Variants in ZFPM1 observed in about 807,000 individuals in gnomAD.
ZFPM1 encodes the protein zinc finger protein, FOG family member 1, also known as zinc finger protein ZFPM1.
Under a neutral mutation model 46.3 loss-of-function variants are expected in ZFPM1, and 28 were observed. That is an observed-to-expected ratio of 0.60 (90% CI 0.45 to 0.83). The LOEUF is 0.83. Among genes scored for constraint, ZFPM1 ranks in the 40% least tolerant of loss-of-function variants. The pLI is 0.00. For missense variants in ZFPM1, 1,878 were observed against 1,432.4 expected (o/e 1.31, Z -5.02); for synonymous variants, 957 against 675.9 (o/e 1.42, Z -6.45).
rs1364636245 is a variant in ZFPM1, at chr16:88,497,890, G to T, written c.268+8737G>T. Among the ~76,000 whole-genome samples the T allele has an allele frequency of 6.6e-6, 1 of 152,212 alleles. No individual in the cohort carries two copies. Among genetic ancestry groups the T allele is most frequent in the African/African-American group, 2.4e-5 (1 of 41,462 alleles). ...GCGGAGCGTCTACGCAAACCTCAAG[G>T]CCTGCTATCGGGTGGAGGCTGAGGC... On this transcript the variant is annotated intron_variant, in intron 3 of 9. Coordinates refer to ENST00000319555, the MANE Select transcript of ZFPM1 (RefSeq NM_153813.3). The surrounding 1 kb of genome is among the most constrained non-coding windows in gnomAD (Gnocchi z 5.4).
intron 6 of ZFPM1, among the ~76,000 whole-genome samples, chr16:88,531,225 G>C (rs1472515911): frequency 1.3e-5 from 2 of 152,198 alleles, no homozygotes; most frequent in Non-Finnish European, 2.9e-5. Context: ...AAGGGGCCAT[G>C]GGCAGATGGG....
At chr16:88,501,646 A>C (rs77639164) in intron 3 of ZFPM1, among the ~76,000 whole-genome samples, 13,930 of 77,978 alleles carry the variant, frequency 0.18, 2,966 homozygotes, top group East Asian at 0.33. Flanking sequence ...TGCGTGGGCC[A>C]TCGCGCAGGT....
intron 3 of ZFPM1, among the ~76,000 whole-genome samples, chr16:88,512,643 A>C (rs144056431): frequency 9.3e-4 from 142 of 151,912 alleles, no homozygotes; most frequent in African/African-American, 3.2e-3. Context: ...ATGGGATTCC[A>C]CATGCTTCCC....
Position 88,497,819 on chromosome 16 carries a change from G to A in ZFPM1, c.268+8666G>A, listed in dbSNP as rs941532419. Reference sequence around the variant, plus strand: ...AATCCTCACCCGAGTGTGTGAGGGCGTCGGGCTGGTTATCTGGGCCGAGCT... The same window carrying A: ...AATCCTCACCCGAGTGTGTGAGGGCATCGGGCTGGTTATCTGGGCCGAGCT... On this transcript the variant is annotated intron_variant, in intron 3 of 9. Transcript: ENST00000319555. This position sits in a 1 kb window ranked among gnomAD's most constrained non-coding sequence, Gnocchi z 5.4. 3.3e-5 allele frequency among the ~76,000 whole-genome samples: 5 copies of A among 152,182 alleles called. No homozygotes were observed. Among genetic ancestry groups the A allele is most frequent in the African/African-American group, 7.2e-5 (3 of 41,442 alleles).
At chr16:88,510,898 C>T (rs1329140266) in intron 3 of ZFPM1, among the ~76,000 whole-genome samples, 1 of 152,218 alleles carries the variant, frequency 6.6e-6, no homozygotes, top group Non-Finnish European at 1.5e-5. Flanking sequence ...CTCACAAGTC[C>T]TGCTGGGCCT....
At position 88,509,598 on chromosome 16, in the gene ZFPM1, C is replaced by A. The variant is rs539245897; in HGVS notation, c.269-4789C>A. The stretch of plus-strand genomic sequence containing the variant: ...GTGAGCCAGCCTGCCAGGGCCAGGG[C>A]TCAGGTGGAGAAACAGGCCTGGGGA... On this transcript the variant is annotated intron_variant, in intron 3 of 9. Coordinates refer to ENST00000319555, the MANE Select transcript of ZFPM1 (RefSeq NM_153813.3). Among the ~76,000 whole-genome samples the A allele has an allele frequency of 9.2e-5, 14 of 152,336 alleles. No individual in the cohort carries two copies. In the South Asian group the frequency reaches 2.9e-3, roughly 32 times the overall value.
At chr16:88,458,209 G>T (rs978700467) in intron 1 of ZFPM1, among the ~76,000 whole-genome samples, 2 of 152,288 alleles carry the variant, frequency 1.3e-5, no homozygotes, top group South Asian at 4.1e-4. Context: ...TCCATCCTCC[G>T]GCTTCTGTCT....
chr16:88,514,328 A>G, intron 3 of ZFPM1, 59 bp from the exon 4 acceptor site: 2 of 1,544,760 alleles, frequency 1.3e-6, no homozygotes, highest in Non-Finnish European at 1.7e-6. Flanking sequence ...CCCTAGCGGG[A>G]GGTGGGCTGG....
intron 1 of ZFPM1, among the ~76,000 whole-genome samples, chr16:88,464,066 C>T (rs756867592): frequency 4.6e-5 from 7 of 152,232 alleles, no homozygotes; most frequent in African/African-American, 7.2e-5. Flanking sequence ...CGTGGTCCAT[C>T]GGTCAATCCT....
intron 6 of ZFPM1, 74 bp from the exon 7 acceptor site, chr16:88,531,928 T>C: frequency 6.9e-7 from 1 of 1,443,720 alleles, no homozygotes; most frequent in Non-Finnish European, 9.4e-7. Context: ...GGCCAGGCCC[T>C]GCCTCCGCCC....
intron 5 of ZFPM1, among the ~76,000 whole-genome samples, chr16:88,527,403 T>TCTGGGC (rs1912427681): frequency 1.3e-5 from 2 of 152,116 alleles, no homozygotes; most frequent in South Asian, 2.1e-4. Flanking sequence ...CACGTCTGGG[T>TCTGGGC]GGCCTGCACC....
Position 88,534,170 on chromosome 16 carries a change from G to T in ZFPM1, c.2212G>T (p.Val738Leu). The T allele has an allele frequency of 1.0e-6, 1 of 991,500 alleles. No homozygotes were observed. The highest frequency in any genetic ancestry group is 1.2e-6 in the Non-Finnish European group (1 of 837,800). The allele number at this position is 991,500 out of a possible 1,614,324, so 61.4% of individuals were successfully genotyped here. A position where few individuals can be genotyped will look rare whatever the true frequency, so the allele number is the denominator to read the frequency against. ...CCCGGCCCCCTCTCCCGCCGCGCCT[G>T]TGCGCACGCGCAGACGCCGCAAGCT... Reference protein sequence around the residue: ...APPAPSPAAPVRTRRRRKLYE... With the variant: ...APPAPSPAAPLRTRRRRKLYE... The change falls in exon 10 of 10, where the codon GTG becomes TTG. Residue 738 changes from valine (V) to leucine (L), a missense_variant. Coordinates refer to ENST00000319555, the MANE Select transcript of ZFPM1 (RefSeq NM_153813.3).
At chr16:88,512,446 T>C (rs1911022548) in intron 3 of ZFPM1, among the ~76,000 whole-genome samples, 1 of 152,136 alleles carries the variant, frequency 6.6e-6, no homozygotes, top group South Asian at 2.1e-4. Context: ...GGGGAAGGCA[T>C]GCCACCCCTT....
At chr16:88,505,699 GC>G (rs1910614409) in intron 3 of ZFPM1, among the ~76,000 whole-genome samples, 2 of 152,298 alleles carry the variant, frequency 1.3e-5, no homozygotes, top group Admixed American at 6.5e-5. Flanking sequence ...CGGGAACGCA[GC>G]CCATGCCGCC....
Position 88,528,090 on chromosome 16 carries a change from G to T in ZFPM1, c.564G>T (p.Val188=). The part of the protein sequence containing the change: ...KPVPAGGLLS[V]LLTAEPHSTP... ...TGCCTGCGGGGGGACTCCTGAGCGT[G>T]CTCCTCACGGCCGAGCCCCACAGCA... The change falls in exon 6 of 10, where the codon GTG becomes GTT. Residue 188 remains valine, a synonymous_variant. Transcript: ENST00000319555. 1 of 1,574,174 alleles carries T rather than the reference G, an allele frequency of 6.4e-7. No homozygotes were observed.
chr16:88,531,963 T>TGGCC, intron 6 of ZFPM1, 39 bp from the exon 7 acceptor site: 1 of 1,547,552 alleles, frequency 6.5e-7, no homozygotes, highest in East Asian at 2.3e-5. Flanking sequence ...GCTGGCAGGC[T>TGGCC]GGCCTTCAGC....
intron 6 of ZFPM1, 90 bp from the exon 7 acceptor site, chr16:88,531,912 C>A: frequency 7.7e-7 from 1 of 1,290,700 alleles, no homozygotes; most frequent in Non-Finnish European, 1.1e-6. Flanking sequence ...CGGTGGGGTC[C>A]GTCACGGCCA....
In ZFPM1 at chr16:88,493,704, T is replaced by C. The variant is rs114258808; in HGVS notation, c.268+4551T>C. ...GCGGAGAGCTGTCCTGGCATGCACA[T>C]GGCCATTGTCTTGACTTCCCATGAT... On this transcript the variant is annotated intron_variant, in intron 3 of 9. Transcript: ENST00000319555. Among the ~76,000 whole-genome samples the C allele has an allele frequency of 1.3e-3, 197 of 151,958 alleles. 1 individual carries two copies. The highest frequency in any genetic ancestry group is 4.6e-3 in the African/African-American group (189 of 41,332).
Position 88,532,862 on chromosome 16 carries a change from G to C in ZFPM1, c.1116G>C (p.Met372Ile). 1 of 1,613,488 alleles carries C rather than the reference G, an allele frequency of 6.2e-7. No homozygotes were observed. Among genetic ancestry groups the C allele is most frequent in the East Asian group, 2.2e-5 (1 of 44,876 alleles). The change falls in exon 9 of 10, where the codon ATG becomes ATC. Residue 372 changes from methionine to isoleucine, a missense_variant. Coordinates refer to ENST00000319555, the MANE Select transcript of ZFPM1 (RefSeq NM_153813.3). The part of the protein sequence containing the change: ...ILYSHLVTNH[M>I]VCQPGSKGEI... ...ACAGCCACTTGGTCACCAACCACAT[G>C]GTCTGCCAGCCTGGCTCCAAGGGTG...
Sources: gnomAD v4.1 joint callset for allele counts (sites outside exome capture counted in the v4.1 genomes callset) on GRCh38, gnomAD v4.1.1 for gene constraint, Gnocchi (gnomAD v3.1) non-coding constraint, MANE v1.5 for transcripts, NCBI Gene and HGNC (gene_info 2026-07-23, HGNC 2026-07-21) for gene names.